The following SGCZ variants were observed in gnomAD, a reference collection of about 807,000 sequenced individuals.
SGCZ encodes the protein zeta-sarcoglycan.
SGCZ carries 40 observed loss-of-function variants against 41.3 expected under a neutral mutation model. That is an observed-to-expected ratio of 0.97 (90% CI 0.75 to 1.26). The LOEUF is 1.26. Ranked by LOEUF, SGCZ falls within the 50% of genes most tolerant of loss-of-function variation. The pLI, the probability that SGCZ is intolerant of heterozygous loss-of-function variation, is 0.00. For synonymous variants in SGCZ, 206 were observed against 137.5 expected (o/e 1.50, Z -3.49); for missense variants, 552 against 369.8 (o/e 1.49, Z -4.04).
chr8:14,334,101 G>A (rs893978662), intron 2 of SGCZ, among the ~76,000 whole-genome samples: 2 of 151,960 alleles, frequency 1.3e-5, no homozygotes, highest in Non-Finnish European at 2.9e-5. Flanking sequence ...TTTCCTAAAA[G>A]GAGAATCACC....
intron 2 of SGCZ, among the ~76,000 whole-genome samples, chr8:14,456,907 C>G (rs78098774): frequency 0.041 from 6,211 of 152,172 alleles, 398 homozygotes; most frequent in African/African-American, 0.14. Context: ...CACACTCTCT[C>G]TCTCTTGCTT....
intron 2 of SGCZ, among the ~76,000 whole-genome samples, chr8:14,481,274 A>T (rs978980321): frequency 1.3e-5 from 2 of 152,202 alleles, no homozygotes; most frequent in Middle Eastern, 3.2e-3. Context: ...GTGTGAAGAA[A>T]AGTTAAAATT....
At chr8:15,001,188 A>G (rs1051761033) in intron 1 of SGCZ, among the ~76,000 whole-genome samples, 20 of 152,160 alleles carry the variant, frequency 1.3e-4, no homozygotes, top group African/African-American at 4.8e-4. Flanking sequence ...GAATAACTCA[A>G]TGCAATTTTG....
intron 3 of SGCZ, among the ~76,000 whole-genome samples, chr8:14,294,265 T>C: frequency 6.6e-6 from 1 of 151,866 alleles, no homozygotes; most frequent in Non-Finnish European, 1.5e-5. Context: ...TGAGCTTCAT[T>C]TGGGAGAGAG....
chr8:15,145,120 A>T (rs755669593), intron 1 of SGCZ, among the ~76,000 whole-genome samples: 3 of 152,128 alleles, frequency 2.0e-5, no homozygotes, highest in African/African-American at 7.2e-5. Flanking sequence ...TTATTCCCCA[A>T]GCCCTGCCGT....
At chr8:14,287,330 G>A (rs943874638) in intron 3 of SGCZ, among the ~76,000 whole-genome samples, 2 of 151,880 alleles carry the variant, frequency 1.3e-5, no homozygotes, top group African/African-American at 4.8e-5. Flanking sequence ...GTCAGTTTAA[G>A]TTGAACATAA....
chr8:14,738,272 A>G (rs150968320), intron 1 of SGCZ, among the ~76,000 whole-genome samples: 6 of 151,906 alleles, frequency 3.9e-5, no homozygotes, highest in African/African-American at 1.4e-4. Context: ...GCATGCTAGA[A>G]TTCTCCCCTC....
At position 14,806,597 on chromosome 8, in the gene SGCZ, C is replaced by G. The variant is rs533567943; in HGVS notation, c.40-251671G>C. Among the ~76,000 whole-genome samples the G allele has an allele frequency of 7.2e-4, 109 of 152,210 alleles. 2 individuals carry two copies. The South Asian group carries it at 7.7e-3, about 11-fold the overall frequency. ...AAATGTGGCAATAATCAATAGCTTA[C>G]CAACCAAAAAGAGTCCAGGACCAGA... On this transcript the variant is annotated intron_variant, in intron 1 of 7. Transcript: ENST00000382080.
intron 1 of SGCZ, among the ~76,000 whole-genome samples, chr8:14,587,374 TAAAAA>T (rs200503901): frequency 7.2e-6 from 1 of 138,444 alleles, no homozygotes; most frequent in Non-Finnish European, 1.6e-5. Flanking sequence ...CATTTGGAGC[TAAAAA>T]AAAAAAAAAA....
intron 4 of SGCZ, among the ~76,000 whole-genome samples, chr8:14,212,853 C>CA (rs1805863559): frequency 6.6e-6 from 1 of 151,200 alleles, no homozygotes; most frequent in African/African-American, 2.4e-5. Context: ...AAAATCTAGG[C>CA]AAAAAATAGA....
intron 3 of SGCZ, among the ~76,000 whole-genome samples, chr8:14,310,398 T>C (rs570415374): frequency 6.6e-6 from 1 of 152,290 alleles, no homozygotes; most frequent in East Asian, 1.9e-4. Flanking sequence ...TTCACTCAAA[T>C]CAGTGATCTA....
chr8:15,075,214 T>C (rs1040485688), intron 1 of SGCZ, among the ~76,000 whole-genome samples: 2 of 101,782 alleles, frequency 2.0e-5, no homozygotes, highest in Non-Finnish European at 4.0e-5. Flanking sequence ...TTAGTTTATG[T>C]AGTAGTCAGA....
chr8:14,839,334 G>A (rs543415103), intron 1 of SGCZ, among the ~76,000 whole-genome samples: 3 of 152,102 alleles, frequency 2.0e-5, no homozygotes, highest in African/African-American at 4.8e-5. Context: ...GATGATGCAC[G>A]CTTGCAGAGG....
intron 2 of SGCZ, among the ~76,000 whole-genome samples, chr8:14,417,529 T>C (rs961239644): frequency 2.0e-5 from 3 of 151,932 alleles, no homozygotes; most frequent in Non-Finnish European, 4.4e-5. Flanking sequence ...TGGGGATTGT[T>C]CCATGAACTG....
intron 1 of SGCZ, among the ~76,000 whole-genome samples, chr8:15,130,833 A>C (rs982364788): frequency 6.6e-6 from 1 of 152,216 alleles, no homozygotes; most frequent in Non-Finnish European, 1.5e-5. Flanking sequence ...AAGGGATATG[A>C]ATGACAAAAT....
chr8:14,930,422 G>C (rs1320856621), intron 1 of SGCZ, among the ~76,000 whole-genome samples: 1 of 152,094 alleles, frequency 6.6e-6, no homozygotes, highest in Admixed American at 6.5e-5. Flanking sequence ...GTGGAAGACA[G>C]TGTGGAGATT....
chr8:14,707,358 A>C (rs1459258305), intron 1 of SGCZ, among the ~76,000 whole-genome samples: 1 of 151,910 alleles, frequency 6.6e-6, no homozygotes, highest in Non-Finnish European at 1.5e-5. Context: ...AATTTAACAA[A>C]CGATGTTAGT....
chr8:14,322,413 T>C (rs1285240220), intron 3 of SGCZ, among the ~76,000 whole-genome samples: 1 of 152,086 alleles, frequency 6.6e-6, no homozygotes, highest in African/African-American at 2.4e-5. Context: ...GAAGCGCAAG[T>C]GGCTCCACCT....
chr8:14,526,326 T>C (rs548322698), intron 2 of SGCZ, among the ~76,000 whole-genome samples: 11 of 152,246 alleles, frequency 7.2e-5, no homozygotes, highest in Non-Finnish European at 1.6e-4. Flanking sequence ...AAAATTTCAC[T>C]ATCGATGTGG....
Sources: gnomAD v4.1 joint callset for allele counts (sites outside exome capture counted in the v4.1 genomes callset) on GRCh38, gnomAD v4.1.1 for gene constraint, MANE v1.5 for transcripts, NCBI Gene and HGNC (gene_info 2026-07-23, HGNC 2026-07-21) for gene names.